LAMA2: variants seen among roughly 807,000 people sequenced by gnomAD.
LAMA2 encodes laminin subunit alpha-2.
Under a neutral mutation model 364.8 loss-of-function variants are expected in LAMA2, and 269 were observed. The ratio of observed to expected loss-of-function variants is 0.74; its 90% confidence interval spans 0.67 to 0.82. The LOEUF (loss-of-function observed/expected upper bound fraction) is 0.82, where lower values mean the gene tolerates loss of function less well. Among genes scored for constraint, LAMA2 ranks in the 40% least tolerant of loss-of-function variants. LAMA2 has a pLI of 0.00. For synonymous variants in LAMA2, 1,379 were observed against 1,370.6 expected (o/e 1.01, Z -0.14); for missense variants, 3,807 against 3,873.2 (o/e 0.98, Z 0.45).
chr6:128,888,169 G>C (rs1019806853), intron 1 of LAMA2, among the ~76,000 whole-genome samples: 2 of 152,086 alleles, frequency 1.3e-5, no homozygotes, highest in Non-Finnish European at 2.9e-5. Flanking sequence ...GATAAAAGTA[G>C]ATTTTCCAGG....
At chr6:129,336,903 T>TAAAGCTG (rs1374848839) in intron 29 of LAMA2, among the ~76,000 whole-genome samples, 1 of 152,236 alleles carries the variant, frequency 6.6e-6, no homozygotes, top group Non-Finnish European at 1.5e-5. Context: ...TCAGATAATA[T>TAAAGCTG]AAAGCTGAAA....
At chr6:128,943,454 T>C (rs949886274) in intron 1 of LAMA2, among the ~76,000 whole-genome samples, 6 of 148,770 alleles carry the variant, frequency 4.0e-5, no homozygotes, top group Non-Finnish European at 4.4e-5. Flanking sequence ...CAGTTAGTTA[T>C]TGTACTTTTT....
rs918142648 is a variant in LAMA2, at chr6:129,037,763, A to G, written c.113-12155A>G. On this transcript the variant is annotated intron_variant, in intron 1 of 64. Transcript: ENST00000421865. ...CTGCTCACTGCAAGCTCCGCCTCCC[A>G]GGTTCACGCCATTCTCCCGCCTCAG... is the stretch of plus-strand genomic sequence containing the variant. Among the ~76,000 whole-genome samples, 11 of 148,508 alleles carry G rather than the reference A, an allele frequency of 7.4e-5. No homozygotes were observed. In the East Asian group the frequency reaches 7.9e-4, roughly 11 times the overall value.
chr6:129,027,260 C>T (rs1006425201), intron 1 of LAMA2, among the ~76,000 whole-genome samples: 2 of 152,018 alleles, frequency 1.3e-5, no homozygotes, highest in Non-Finnish European at 2.9e-5. Context: ...TTATACATAA[C>T]AAGCACTTCA....
chr6:129,473,784 G>A (rs1052770659), intron 52 of LAMA2, among the ~76,000 whole-genome samples: 5 of 152,062 alleles, frequency 3.3e-5, no homozygotes, highest in South Asian at 2.1e-4. Context: ...TCATAATGGC[G>A]TGTTGGAGCT....
chr6:129,478,672 T>G, intron 53 of LAMA2, 21 bp from the exon 54 acceptor site: 1 of 1,613,136 alleles, frequency 6.2e-7, no homozygotes, highest in Non-Finnish European at 8.5e-7. Flanking sequence ...TGCTTTTGCT[T>G]TTCATTTGAC....
intron 10 of LAMA2, among the ~76,000 whole-genome samples, chr6:129,180,930 C>T (rs970320540): frequency 6.6e-6 from 1 of 151,952 alleles, no homozygotes; most frequent in Admixed American, 6.6e-5. Flanking sequence ...AGGATTTGGA[C>T]CCACAGACGG....
intron 3 of LAMA2, among the ~76,000 whole-genome samples, chr6:129,092,830 T>C (rs557417649): frequency 1.3e-5 from 2 of 152,304 alleles, no homozygotes; most frequent in Non-Finnish European, 2.9e-5. Flanking sequence ...TTTACGGCTT[T>C]TGTGGAGATC....
Sources: gnomAD v4.1 joint callset for allele counts (sites outside exome capture counted in the v4.1 genomes callset) on GRCh38, gnomAD v4.1.1 for gene constraint, MANE v1.5 for transcripts, NCBI Gene and HGNC (gene_info 2026-07-23, HGNC 2026-07-21) for gene names.